Variants in YME1L1 observed in about 807,000 individuals in gnomAD.
YME1L1 encodes ATP-dependent zinc metalloprotease YME1L1.
In YME1L1, 39 loss-of-function variants were observed where a neutral mutation model predicts 90.4. That is an observed-to-expected ratio of 0.43 (90% CI 0.33 to 0.56). The LOEUF (loss-of-function observed/expected upper bound fraction) is 0.56. Ranked by LOEUF, YME1L1 falls within the 20% of genes least tolerant of loss-of-function variation. The pLI, the probability that YME1L1 is intolerant of heterozygous loss-of-function variation, is 0.03. For synonymous variants in YME1L1, 284 were observed against 287.3 expected, an observed-to-expected ratio of 0.99 and a Z score of 0.12; for missense variants, 617 against 868.4, an observed-to-expected ratio of 0.71 and a Z score of 3.64.
At chr10:27,153,433 G>A (rs2057255932) in intron 1 of YME1L1, among the ~76,000 whole-genome samples, 1 of 151,996 alleles carries the variant, frequency 6.6e-6, no homozygotes, top group East Asian at 1.9e-4. Context: ...CTATTTCTTT[G>A]CAAAACTGTA....
At position 27,114,710 on chromosome 10, in the gene YME1L1, G is replaced by C. The variant is rs2056794023; in HGVS notation, c.1921-103C>G. 2.3e-5 allele frequency: 17 copies of C among 753,520 alleles called. No homozygotes were observed. The East Asian group carries it at 4.8e-4, about 21-fold the overall frequency. The allele number at this position is 753,520 out of a possible 1,614,324, so 46.7% of individuals were successfully genotyped here. A position where few individuals can be genotyped will look rare whatever the true frequency, so the allele number is the denominator to read the frequency against. ...ATATATAAGGAAACAAATATATGGG[G>C]GACAAGAAAGAAGTACAATAGAAAA... On this transcript the variant is annotated intron_variant, in intron 17 of 18. Transcript: ENST00000376016.
At chr10:27,132,475 A>G (rs2056987163) in intron 7 of YME1L1, among the ~76,000 whole-genome samples, 1 of 152,100 alleles carries the variant, frequency 6.6e-6, no homozygotes, top group Non-Finnish European at 1.5e-5. Context: ...TGCTCTGCCT[A>G]TGGAGTAGCC....
chr10:27,143,294 G>C (rs929670037), intron 3 of YME1L1, among the ~76,000 whole-genome samples: 3 of 151,940 alleles, frequency 2.0e-5, no homozygotes, highest in African/African-American at 7.2e-5. Flanking sequence ...ACTTGAACCC[G>C]GGAGGGAGAA....
At chr10:27,128,866 A>G (rs1721775898) in intron 8 of YME1L1, among the ~76,000 whole-genome samples, 1 of 152,064 alleles carries the variant, frequency 6.6e-6, no homozygotes, top group Non-Finnish European at 1.5e-5. Flanking sequence ...CTAAGATCAC[A>G]CTACTGCACT....
At chr10:27,131,534 A>G (rs527445542) in intron 8 of YME1L1, among the ~76,000 whole-genome samples, 2 of 152,360 alleles carry the variant, frequency 1.3e-5, no homozygotes, top group African/African-American at 2.4e-5. Flanking sequence ...AAGCACATAC[A>G]TTATCTGTCA....
At chr10:27,113,567 AAGGCTG>A (rs2056781498) in intron 18 of YME1L1, among the ~76,000 whole-genome samples, 1 of 150,992 alleles carries the variant, frequency 6.6e-6, no homozygotes, top group Non-Finnish European at 1.5e-5. Flanking sequence ...AGCTACTCAG[AAGGCTG>A]AGGCAGGAGA....
chr10:27,154,339 A>C lies in YME1L1; in HGVS notation c.-129T>G. On this transcript the variant is annotated 5_prime_UTR_variant, in exon 1 of 19. Coordinates refer to ENST00000376016, the MANE Select transcript of YME1L1 (RefSeq NM_014263.4). The stretch of plus-strand genomic sequence containing the variant: ...ACCCGTTGCCCCTCACTCCTCCCAG[A>C]AACGGAAAATGGCCTCCCCTTCCTA... 8.5e-7 allele frequency: 1 copy of C among 1,170,898 alleles called. No homozygotes were observed. Among genetic ancestry groups the C allele is most frequent in the Non-Finnish European group, 1.2e-6 (1 of 835,130 alleles). 72.5% of individuals were successfully genotyped at this position (1,170,898 alleles called of 1,614,324 possible). A position where few individuals can be genotyped will look rare whatever the true frequency, so the allele number is the denominator to read the frequency against.
intron 5 of YME1L1, 98 bp from the exon 6 acceptor site, chr10:27,135,079 AATTTT>A: frequency 8.4e-7 from 1 of 1,191,538 alleles, no homozygotes; most frequent in Non-Finnish European, 1.2e-6. Context: ...AATTCTGTAT[AATTTT>A]TACTGTCAAT....
intron 2 of YME1L1, 198 bp from the exon 3 acceptor site, chr10:27,145,788 G>A (rs1291622896): frequency 2.6e-6 from 1 of 383,216 alleles, no homozygotes; most frequent in Non-Finnish European, 4.5e-6. Flanking sequence ...GTTTGACATA[G>A]GTTAAAAAAT....
chr10:27,145,073 G>A (rs368543412), intron 3 of YME1L1, among the ~76,000 whole-genome samples: 4 of 152,062 alleles, frequency 2.6e-5, no homozygotes, highest in East Asian at 3.9e-4. Flanking sequence ...CCCGGGAGGC[G>A]GAGCTTGCAG....
Position 27,148,911 on chromosome 10 carries a change from T to G in YME1L1, c.163A>C (p.Ser55Arg). Reference protein sequence around the residue: ...DVVPEHEAPSSEPSLNLRDLG... With the variant: ...DVVPEHEAPSREPSLNLRDLG... Reference sequence around the variant, plus strand: ...CAACCAGGATAAAGACTTACCTCACTGCTGGGAGCCTCATGCTCAGGAACT... The same window carrying G: ...CAACCAGGATAAAGACTTACCTCACGGCTGGGAGCCTCATGCTCAGGAACT... The change falls in exon 2 of 19, where the codon AGT becomes CGT. Residue 55 changes from serine to arginine, a missense_variant. Physicochemically the swap from Ser to Arg is moderately radical, Grantham distance 110 (BLOSUM62 -1). Coordinates refer to ENST00000376016, the MANE Select transcript of YME1L1 (RefSeq NM_014263.4). 1.9e-6 allele frequency: 3 copies of G among 1,613,926 alleles called. No homozygotes were observed. The highest frequency in any genetic ancestry group is 2.5e-6 in the Non-Finnish European group (3 of 1,179,994).
intron 4 of YME1L1, among the ~76,000 whole-genome samples, chr10:27,140,065 T>C (rs1170086650): frequency 6.6e-6 from 1 of 152,132 alleles, no homozygotes; most frequent in Non-Finnish European, 1.5e-5. Flanking sequence ...GGAGGTGCCA[T>C]CTTGGCTCAC....
intron 18 of YME1L1, among the ~76,000 whole-genome samples, chr10:27,113,870 C>A (rs958953768): frequency 1.0e-4 from 15 of 150,752 alleles, no homozygotes; most frequent in Non-Finnish European, 1.8e-4. Context: ...AATAAAACAC[C>A]TACTAAACTT....
At chr10:27,136,750 A>G (rs1588604625) in intron 4 of YME1L1, among the ~76,000 whole-genome samples, 1 of 145,188 alleles carries the variant, frequency 6.9e-6, no homozygotes, top group Admixed American at 6.9e-5. Flanking sequence ...TTTATTTGAG[A>G]TGGAGTTTCA....
chr10:27,135,477 A>G (rs2057018077), intron 5 of YME1L1, among the ~76,000 whole-genome samples: 1 of 152,240 alleles, frequency 6.6e-6, no homozygotes, highest in African/African-American at 2.4e-5. Flanking sequence ...AGTATTATGT[A>G]TGGTGGTAAA....
chr10:27,124,001 G>A (rs1014815935), intron 9 of YME1L1, among the ~76,000 whole-genome samples: 4 of 152,144 alleles, frequency 2.6e-5, no homozygotes, highest in Admixed American at 6.6e-5. Flanking sequence ...TAAAATTCAT[G>A]TAAAAATAGA....
intron 9 of YME1L1, among the ~76,000 whole-genome samples, 173 bp from the exon 10 acceptor site, chr10:27,123,872 G>A (rs2056891274): frequency 7.0e-6 from 1 of 142,594 alleles, no homozygotes; most frequent in Admixed American, 6.8e-5. Context: ...GTTCACTTCA[G>A]AATCTTGTCC....
chr10:27,140,944 G>T (rs1438421536), intron 4 of YME1L1, among the ~76,000 whole-genome samples: 1 of 152,076 alleles, frequency 6.6e-6, no homozygotes, highest in Non-Finnish European at 1.5e-5. Context: ...TCCAACAATA[G>T]CTAAAAACGT....
chr10:27,145,299 A>AC lies in YME1L1; in HGVS notation c.331+128_331+129insG, dbSNP rs1165830116. ...CAATATGAAAAATTGCAAAAAAAAAAACAAAAAAAAAACACTTCAGGAAAG... is the reference window on the plus strand; with the variant it reads ...CAATATGAAAAATTGCAAAAAAAAAACACAAAAAAAAAACACTTCAGGAAAG... On this transcript the variant is annotated intron_variant, in intron 3 of 18. Transcript: ENST00000376016. 1,571 of 762,068 alleles carry AC rather than the reference A, an allele frequency of 2.1e-3. 1 individual carries two copies. Among genetic ancestry groups the AC allele is most frequent in the East Asian group, 0.015 (428 of 27,776 alleles). 47.2% of individuals were successfully genotyped at this position (762,068 alleles called of 1,614,324 possible).
Sources: allele counts gnomAD v4.1 joint callset (sites outside exome capture counted in the v4.1 genomes callset), GRCh38; gene constraint gnomAD v4.1.1; transcripts MANE v1.5; gene names NCBI Gene and HGNC (gene_info 2026-07-23, HGNC 2026-07-21).